MYBL2: variants seen among roughly 807,000 people sequenced by gnomAD.
The protein encoded by MYBL2 is myb-related protein B.
MYBL2 carries 28 observed loss-of-function variants against 79.9 expected under a neutral mutation model. That is an observed-to-expected ratio of 0.35 (90% CI 0.26 to 0.48). The LOEUF (loss-of-function observed/expected upper bound fraction) is 0.48, where lower values mean the gene tolerates loss of function less well. Ranked by LOEUF, MYBL2 falls within the 20% of genes least tolerant of loss-of-function variation. The pLI is 0.99. For synonymous variants in MYBL2, 378 were observed against 361.2 expected (o/e 1.05, Z -0.53); for missense variants, 735 against 893.9 (o/e 0.82, Z 2.27).
intron 4 of MYBL2, among the ~76,000 whole-genome samples, chr20:43,683,468 TCTC>T (rs1377744754): frequency 1.4e-4 from 21 of 151,824 alleles, no homozygotes; most frequent in African/African-American, 4.8e-4. Context: ...CCTCATCTCT[TCTC>T]CTCGATACCA....
chr20:43,678,857 C>CAA (rs762645852), intron 2 of MYBL2, among the ~76,000 whole-genome samples: 23 of 19,152 alleles, frequency 1.2e-3, no homozygotes, highest in African/African-American at 2.4e-3. Context: ...AACTCCGTCT[C>CAA]AAAAAAAAAA....
At chr20:43,683,224 T>A (rs1987184508) in intron 4 of MYBL2, among the ~76,000 whole-genome samples, 1 of 152,206 alleles carries the variant, frequency 6.6e-6, no homozygotes, top group Admixed American at 6.5e-5. Context: ...TTCTGTACAT[T>A]TGCTCTCAGC....
chr20:43,668,920 G>A (rs1986789286), intron 1 of MYBL2, among the ~76,000 whole-genome samples: 1 of 152,064 alleles, frequency 6.6e-6, no homozygotes, highest in Non-Finnish European at 1.5e-5. Flanking sequence ...AGGCTGGAGT[G>A]CAGTGGCACA....
rs1988037081 is a variant in MYBL2 at position 43,716,476 on chromosome 20, C to G, written c.*389C>G. ...TTTTTTTGGAAGAATAAAATTGCCT[C>G]TCTCTTTGTGCTGGTCTGGACTCTG... is the stretch of plus-strand genomic sequence containing the variant. On this transcript the variant is annotated 3_prime_UTR_variant, in exon 14 of 14. Transcript: ENST00000217026. 1.3e-5 allele frequency: 3 copies of G among 237,556 alleles called. No individual in the cohort carries two copies. In the South Asian group the frequency reaches 1.7e-4, roughly 13 times the overall value. 14.7% of individuals were successfully genotyped at this position (237,556 alleles called of 1,614,324 possible). A position where few individuals can be genotyped will look rare whatever the true frequency, so the allele number is the denominator to read the frequency against.
chr20:43,715,784 C>G (rs1988018260), intron 13 of MYBL2, among the ~76,000 whole-genome samples, 175 bp from the exon 14 acceptor site: 1 of 152,104 alleles, frequency 6.6e-6, no homozygotes, highest in Non-Finnish European at 1.5e-5. Flanking sequence ...TTGAGGAAGC[C>G]CACAGCCAGG....
chr20:43,706,642 G>A (rs150277531), intron 9 of MYBL2, among the ~76,000 whole-genome samples: 3,974 of 150,500 alleles, frequency 0.026, 69 homozygotes, highest in Middle Eastern at 0.041. Context: ...CAAGGTGGGA[G>A]GATCACTTGA....
chr20:43,704,381 T>C (rs1030995730), intron 8 of MYBL2, among the ~76,000 whole-genome samples: 1 of 152,040 alleles, frequency 6.6e-6, no homozygotes, highest in African/African-American at 2.4e-5. Context: ...GTGCTGAGAG[T>C]TGGGACTTCA....
chr20:43,694,141 GC>G (rs1251181125), intron 6 of MYBL2, among the ~76,000 whole-genome samples: 1 of 151,916 alleles, frequency 6.6e-6, no homozygotes, highest in African/African-American at 2.4e-5. Context: ...GACCATCCTG[GC>G]TAACACGGTG....
intron 9 of MYBL2, among the ~76,000 whole-genome samples, chr20:43,709,363 C>T (rs1987854901): frequency 6.6e-6 from 1 of 152,206 alleles, no homozygotes; most frequent in African/African-American, 2.4e-5. Flanking sequence ...GCCTTTTCTG[C>T]CCCCCTGCTC....
chr20:43,696,344 G>T (rs1270619042), intron 6 of MYBL2, among the ~76,000 whole-genome samples: 1 of 151,714 alleles, frequency 6.6e-6, no homozygotes, highest in Non-Finnish European at 1.5e-5. Flanking sequence ...GGGTTCAAGC[G>T]ATTCTCCTGC....
chr20:43,713,366 G>T (rs1302588017), intron 12 of MYBL2, among the ~76,000 whole-genome samples: 2 of 152,046 alleles, frequency 1.3e-5, no homozygotes, highest in African/African-American at 4.8e-5. Context: ...CTCCCAGAGA[G>T]GGTCAGTGAT....
intron 12 of MYBL2, among the ~76,000 whole-genome samples, chr20:43,714,494 T>C (rs895866021): frequency 2.0e-5 from 3 of 152,158 alleles, no homozygotes; most frequent in Admixed American, 2.0e-4. Context: ...CCAGGGCTGA[T>C]GTGCCCCCAC....
chr20:43,685,920 T>C (rs1229564318), intron 4 of MYBL2, among the ~76,000 whole-genome samples: 12 of 149,034 alleles, frequency 8.1e-5, no homozygotes, highest in Non-Finnish European at 1.2e-4. Context: ...GCCTGTAATC[T>C]CAGCTACTTG....
In MYBL2 at chr20:43,673,993, G is replaced by A. The variant is rs556415979; in HGVS notation, c.114+94G>A. On this transcript the variant is annotated intron_variant, in intron 2 of 13. Coordinates refer to ENST00000217026, the MANE Select transcript of MYBL2 (RefSeq NM_002466.4). ...TATTTGATGTCTCATCAGATGGGAT[G>A]AAGAGGAGGAGCCGGTGAAGGAAGG... 53 of 1,108,946 alleles carry A rather than the reference G, an allele frequency of 4.8e-5. No homozygotes were observed. The Admixed American group carries it at 4.8e-4, about 10-fold the overall frequency. 68.7% of individuals were successfully genotyped at this position (1,108,946 alleles called of 1,614,324 possible).
At position 43,692,228 on chromosome 20, in the gene MYBL2, G is replaced by A. The variant is rs79958576; in HGVS notation, c.572G>A (p.Ser191Asn). 2,333 of 1,614,172 alleles carry A rather than the reference G, an allele frequency of 1.4e-3. 24 individuals are homozygous for A. The African/African-American group carries it at 0.027, about 19-fold the overall frequency. Residue 191 changes from serine (S) to asparagine (N), a missense_variant, in exon 6 of 14, where the codon AGC becomes AAC. Transcript: ENST00000217026. ...KRKVDTGGFL[S>N]ESKDCKPPVY... Reference sequence around the variant, plus strand: ...AAGGTGGACACAGGAGGCTTCTTGAGCGAGTCCAAAGACTGCAAGCCCCCA... The same window carrying A: ...AAGGTGGACACAGGAGGCTTCTTGAACGAGTCCAAAGACTGCAAGCCCCCA...
chr20:43,684,854 CAAAA>C (rs1987231380), intron 4 of MYBL2, among the ~76,000 whole-genome samples: 1 of 146,410 alleles, frequency 6.8e-6, no homozygotes, highest in Admixed American at 6.8e-5. Context: ...AAAAAAAACA[CAAAA>C]GAAAACACCT....
chr20:43,682,733 C>T (rs999948539), intron 3 of MYBL2, 61 bp from the exon 4 acceptor site: 4 of 1,524,874 alleles, frequency 2.6e-6, no homozygotes, highest in African/African-American at 1.4e-5. Flanking sequence ...CTTAACCAGG[C>T]CCCCAGCCCG....
chr20:43,684,175 C>T (rs1316664397), intron 4 of MYBL2, among the ~76,000 whole-genome samples: 3 of 152,036 alleles, frequency 2.0e-5, no homozygotes, highest in Non-Finnish European at 2.9e-5. Flanking sequence ...GATCCTCCCA[C>T]GTCAGCCTCT....
intron 6 of MYBL2, among the ~76,000 whole-genome samples, chr20:43,698,120 G>A (rs1241477559): frequency 6.9e-6 from 1 of 145,788 alleles, no homozygotes; most frequent in African/African-American, 2.6e-5. Context: ...GTATATTAAG[G>A]ATGCTACTCC....
Sources: gnomAD v4.1 joint callset for allele counts (sites outside exome capture counted in the v4.1 genomes callset) on GRCh38, gnomAD v4.1.1 for gene constraint, MANE v1.5 for transcripts, NCBI Gene and HGNC (gene_info 2026-07-23, HGNC 2026-07-21) for gene names.